Variants in LRGUK observed in about 807,000 individuals in gnomAD.
LRGUK encodes leucine rich repeats and guanylate kinase domain containing.
LRGUK carries 65 observed loss-of-function variants against 76.0 expected under a neutral mutation model. The ratio of observed to expected loss-of-function variants is 0.85; its 90% CI spans 0.70 to 1.05. LRGUK has a LOEUF of 1.05. Among genes scored for constraint, LRGUK ranks in the 50% least tolerant of loss-of-function variants. LRGUK has a pLI of 0.00. For synonymous variants in LRGUK, 268 were observed against 265.6 expected (o/e 1.01, Z -0.09); for missense variants, 758 against 732.8 (o/e 1.03, Z -0.40).
intron 7 of LRGUK, among the ~76,000 whole-genome samples, chr7:134,167,446 G>T (rs1048435070): frequency 6.6e-6 from 1 of 152,192 alleles, no homozygotes; most frequent in Non-Finnish European, 1.5e-5. Context: ...CATGGTGATG[G>T]GGTCAGCAGG....
chr7:134,149,007 A>C (rs1423202367), intron 5 of LRGUK, among the ~76,000 whole-genome samples: 2 of 152,082 alleles, frequency 1.3e-5, no homozygotes, highest in Non-Finnish European at 2.9e-5. Flanking sequence ...AGATATGGTC[A>C]TAAGGAAAAT....
At chr7:134,169,947 A>G (rs1158829864) in intron 7 of LRGUK, among the ~76,000 whole-genome samples, 1 of 152,144 alleles carries the variant, frequency 6.6e-6, no homozygotes, top group Non-Finnish European at 1.5e-5. Context: ...ATTCATACTA[A>G]TTAGTGTCCT....
intron 6 of LRGUK, among the ~76,000 whole-genome samples, chr7:134,159,251 C>A (rs59385814): frequency 7.3e-5 from 11 of 150,478 alleles, no homozygotes; most frequent in African/African-American, 2.7e-4. Flanking sequence ...GTGGGAGAAT[C>A]ACTTGAGCCC....
chr7:134,211,206 G>A (rs1478765617), downstream of LRGUK, among the ~76,000 whole-genome samples: 1 of 152,226 alleles, frequency 6.6e-6, no homozygotes, highest in South Asian at 2.1e-4. Context: ...AGCAGTTGTT[G>A]CAGAGGGATG....
intron 18 of LRGUK, among the ~76,000 whole-genome samples, chr7:134,249,387 A>G (rs922663969): frequency 1.3e-5 from 2 of 152,178 alleles, no homozygotes; most frequent in Non-Finnish European, 2.9e-5. Flanking sequence ...GAGCACAGAC[A>G]TCCATTGTGG....
intron 16 of LRGUK, among the ~76,000 whole-genome samples, chr7:134,243,232 G>A (rs1802209186): frequency 6.6e-6 from 1 of 152,044 alleles, no homozygotes; most frequent in South Asian, 2.1e-4. Flanking sequence ...AGAAATAAAA[G>A]GTATTCAATT....
exon 16 of LRGUK, chr7:134,209,708 C>T: frequency 2.5e-6 from 1 of 399,790 alleles, no homozygotes. Context: ...CACCAGTAAA[C>T]TTCCTCCCAT....
At chr7:134,216,707 C>A (rs60800635) in intron 15 of LRGUK, among the ~76,000 whole-genome samples, 7,798 of 152,126 alleles carry the variant, frequency 0.051, 429 homozygotes, top group East Asian at 0.15. Flanking sequence ...TAGATATTTT[C>A]TTTTCTTTTT....
At chr7:134,271,677 C>T in the LRGUK span, among the ~76,000 whole-genome samples, 1 of 151,844 alleles carries the variant, frequency 6.6e-6, no homozygotes, top group Non-Finnish European at 1.5e-5. Flanking sequence ...TTTTATGATA[C>T]TTGCTCTCCC....
chr7:134,127,682 C>A lies in LRGUK; in HGVS notation c.297+18C>A. ...ATTTGGAGGTGTGTCTTCCCCCCCA[C>A]CCCGTACTCCCTGGCTCCCTCGTCC... On this transcript the variant is annotated intron_variant, in intron 1 of 15. Coordinates refer to ENST00000645682, the Ensembl canonical transcript of LRGUK. 1.9e-6 allele frequency: 3 copies of A among 1,601,490 alleles called. No individual in the cohort carries two copies. Among genetic ancestry groups the A allele is most frequent in the Non-Finnish European group, 2.6e-6 (3 of 1,173,322 alleles).
chr7:134,249,155 T>G, intron 18 of LRGUK, 79 bp downstream of exon 18: 3 of 1,380,778 alleles, frequency 2.2e-6, no homozygotes, highest in Non-Finnish European at 2.9e-6. Context: ...TCTCTAAGCT[T>G]CAGAGAAATC....
chr7:134,199,261 T>C, exon 14 of LRGUK: 1 of 1,613,932 alleles, frequency 6.2e-7, no homozygotes. Flanking sequence ...AGCCTCGTTA[T>C]ATCCTGGTGG....
intron 5 of LRGUK, among the ~76,000 whole-genome samples, chr7:134,150,982 A>C (rs1798201228): frequency 6.6e-6 from 1 of 152,204 alleles, no homozygotes; most frequent in Non-Finnish European, 1.5e-5. Context: ...AAAAATTCAA[A>C]AACAATCATT....
At chr7:134,151,428 A>G (rs1012256968) in intron 5 of LRGUK, among the ~76,000 whole-genome samples, 6 of 152,094 alleles carry the variant, frequency 3.9e-5, no homozygotes, top group Non-Finnish European at 8.8e-5. Flanking sequence ...AAAAAATTAA[A>G]AATCTTTCTA....
Position 134,252,347 on chromosome 7 carries a change from T to C in LRGUK, c.2198+3271T>C, listed in dbSNP as rs530883779. 6.9e-4 allele frequency among the ~76,000 whole-genome samples: 95 copies of C among 137,116 alleles called. 1 individual carries two copies. Among genetic ancestry groups the C allele is most frequent in the African/African-American group, 2.9e-3 (91 of 30,888 alleles). The allele number at this position is 137,116 out of a possible 152,430, so 90.0% of individuals were successfully genotyped here. A position where few individuals can be genotyped will look rare whatever the true frequency, so the allele number is the denominator to read the frequency against. On this transcript the variant is annotated intron_variant, in intron 18 of 19. Transcript: ENST00000285928. ...ACCCTGTCTCAAATAGATAATTAAA[T>C]TAAATTAAATTAAATTAAATTAAAT...
chr7:134,239,935 A>G (rs1802099849), intron 16 of LRGUK, among the ~76,000 whole-genome samples: 1 of 152,216 alleles, frequency 6.6e-6, no homozygotes, highest in South Asian at 2.1e-4. Context: ...ACCCAGGCAA[A>G]CACGGTCTGG....
chr7:134,233,991 G>A (rs992206823), intron 16 of LRGUK, among the ~76,000 whole-genome samples: 3 of 152,036 alleles, frequency 2.0e-5, no homozygotes, highest in Admixed American at 6.5e-5. Context: ...TATTTTTTTA[G>A]CTCATCAGCT....
exon 16 of LRGUK, chr7:134,209,019 A>G: frequency 2.5e-6 from 1 of 399,174 alleles, no homozygotes; most frequent in African/African-American, 2.1e-5. Flanking sequence ...CCAACGGAAG[A>G]GGATGTCCAA....
At chr7:134,208,376 A>G (rs147899410) in intron 15 of LRGUK, among the ~76,000 whole-genome samples, 6 of 152,324 alleles carry the variant, frequency 3.9e-5, no homozygotes, top group Non-Finnish European at 8.8e-5. Flanking sequence ...TAAAAATTTA[A>G]AGTCTCATTC....
Sources: gnomAD v4.1 joint callset for allele counts (sites outside exome capture counted in the v4.1 genomes callset) on GRCh38, gnomAD v4.1.1 for gene constraint, MANE v1.5 for transcripts, NCBI Gene and HGNC (gene_info 2026-07-23, HGNC 2026-07-21) for gene names.